Variants in KPNA1 observed in about 807,000 individuals in gnomAD.
The protein encoded by KPNA1 is karyopherin subunit alpha 1.
In KPNA1, 10 loss-of-function variants were observed where a neutral mutation model predicts 70.5. The ratio of observed to expected loss-of-function variants is 0.14; its 90% CI spans 0.09 to 0.24. The LOEUF (loss-of-function observed/expected upper bound fraction) is 0.24. Ranked by LOEUF, KPNA1 falls within the 10% of genes least tolerant of loss-of-function variation. The pLI is 1.00. For synonymous variants in KPNA1, 192 were observed against 221.9 expected, an observed-to-expected ratio of 0.87 and a Z score of 1.20; for missense variants, 397 against 637.9, an observed-to-expected ratio of 0.62 and a Z score of 4.07.
At chr3:122,503,839 G>C (rs1446012782) in intron 1 of KPNA1, among the ~76,000 whole-genome samples, 2 of 151,966 alleles carry the variant, frequency 1.3e-5, no homozygotes, top group Non-Finnish European at 2.9e-5. Flanking sequence ...GTCACACTGA[G>C]AGCTGTTTGA....
chr3:122,428,963 C>CAA (rs2075861056), intron 12 of KPNA1, among the ~76,000 whole-genome samples: 1 of 152,168 alleles, frequency 6.6e-6, no homozygotes, highest in East Asian at 1.9e-4. Context: ...AACATGAATA[C>CAA]AAAAATCCTC....
chr3:122,427,470 T>A, intron 13 of KPNA1, 68 bp downstream of exon 13: 1 of 1,470,104 alleles, frequency 6.8e-7, no homozygotes, highest in Non-Finnish European at 9.2e-7. Context: ...GTAGTATTGT[T>A]TTTACTGAAC....
At chr3:122,427,778 G>T in intron 12 of KPNA1, 62 bp from the exon 13 acceptor site, 1 of 1,143,218 alleles carries the variant, frequency 8.7e-7, no homozygotes, top group Non-Finnish European at 1.2e-6. Flanking sequence ...TATGAAATTA[G>T]TGAGCAAGTC....
At chr3:122,464,301 C>A (rs67279768) in intron 3 of KPNA1, 7,635 of 322,640 alleles carry the variant, frequency 0.024, 209 homozygotes, top group East Asian at 0.1. Flanking sequence ...TTGCTCTTCC[C>A]CTCCTTGCTC....
In KPNA1 at chr3:122,454,934, A is replaced by G. The variant is rs114787573; in HGVS notation, c.433-933T>C. Among the ~76,000 whole-genome samples the G allele has an allele frequency of 2.0e-5, 3 of 152,352 alleles. No homozygotes were observed. In the South Asian group the frequency reaches 6.2e-4, roughly 32 times the overall value. ...TTGACTCTTTAGCTTAATATTGAGA[A>G]ATCCAATAATGAACTCTTTTCTATT... On this transcript the variant is annotated intron_variant, in intron 5 of 13. Coordinates refer to ENST00000344337, the MANE Select transcript of KPNA1 (RefSeq NM_002264.4).
At chr3:122,451,343 T>C (rs2076200643) in intron 8 of KPNA1, among the ~76,000 whole-genome samples, 191 bp downstream of exon 8, 1 of 152,242 alleles carries the variant, frequency 6.6e-6, no homozygotes, top group Non-Finnish European at 1.5e-5. Context: ...CTTCAAGCTA[T>C]GCTCTAAATT....
At chr3:122,451,916 A>G in intron 7 of KPNA1, 60 bp downstream of exon 7, 1 of 1,003,386 alleles carries the variant, frequency 1.0e-6, no homozygotes. Context: ...CTTTCTGAGG[A>G]ATCTCTTACA....
chr3:122,447,305 G>T (rs1289358325), intron 9 of KPNA1, among the ~76,000 whole-genome samples: 1 of 152,158 alleles, frequency 6.6e-6, no homozygotes, highest in African/African-American at 2.4e-5. Context: ...CCAGCAGCAT[G>T]TCAAAAAGCT....
chr3:122,505,407 A>G (rs2076880292), intron 1 of KPNA1, among the ~76,000 whole-genome samples: 1 of 152,168 alleles, frequency 6.6e-6, no homozygotes, highest in Admixed American at 6.5e-5. Context: ...AGTTGGACTG[A>G]AGATAGCTTT....
intron 2 of KPNA1, among the ~76,000 whole-genome samples, chr3:122,494,687 C>T (rs539131476): frequency 6.6e-6 from 1 of 151,966 alleles, no homozygotes; most frequent in African/African-American, 2.4e-5. Context: ...GGTAATTGGA[C>T]AGAAATTGCA....
At chr3:122,454,041 G>T in intron 5 of KPNA1, 40 bp from the exon 6 acceptor site, 1 of 1,417,756 alleles carries the variant, frequency 7.1e-7, no homozygotes, top group Non-Finnish European at 9.6e-7. Flanking sequence ...TTTTTAGAAT[G>T]TAAAAGTTTG....
intron 2 of KPNA1, among the ~76,000 whole-genome samples, chr3:122,484,210 A>AT (rs1446498333): frequency 2.6e-5 from 4 of 152,206 alleles, no homozygotes; most frequent in Non-Finnish European, 5.9e-5. Flanking sequence ...CCTCTTAAAA[A>AT]TTTGCCTCCA....
intron 5 of KPNA1, chr3:122,460,467 T>C (rs1383251486): frequency 1.5e-5 from 4 of 262,356 alleles, no homozygotes; most frequent in African/African-American, 6.9e-5. Context: ...CAAAACCTCA[T>C]CTCTACTAAA....
In KPNA1 at chr3:122,499,743, T is replaced by G. The variant is rs370477086; in HGVS notation, c.-5-3173A>C. Among the ~76,000 whole-genome samples, 5 of 148,752 alleles carry G rather than the reference T, an allele frequency of 3.4e-5. No homozygotes were observed. In the East Asian group the frequency reaches 9.9e-4, roughly 30 times the overall value. ...CACTGTACTCCAGCCTGGGTGACAGTGAAACCCTGTCTCTTCAAGAAAAAA... is the reference window on the plus strand; with the variant it reads ...CACTGTACTCCAGCCTGGGTGACAGGGAAACCCTGTCTCTTCAAGAAAAAA... On this transcript the variant is annotated intron_variant, in intron 1 of 13. Transcript: ENST00000344337.
intron 2 of KPNA1, among the ~76,000 whole-genome samples, chr3:122,473,611 G>A (rs1206484417): frequency 3.3e-5 from 5 of 151,876 alleles, no homozygotes; most frequent in Non-Finnish European, 5.9e-5. Flanking sequence ...ACAGACTAAG[G>A]AAGAAAAATC....
chr3:122,498,018 T>G (rs1194790897), intron 1 of KPNA1, among the ~76,000 whole-genome samples: 1 of 152,204 alleles, frequency 6.6e-6, no homozygotes, highest in Non-Finnish European at 1.5e-5. Context: ...ACTGATACAT[T>G]TAAGTCTGTG....
At chr3:122,472,102 A>G (rs529175157) in intron 2 of KPNA1, among the ~76,000 whole-genome samples, 1 of 152,328 alleles carries the variant, frequency 6.6e-6, no homozygotes, top group South Asian at 2.1e-4. Flanking sequence ...TATAATGAAC[A>G]TTCACAGATT....
intron 4 of KPNA1, among the ~76,000 whole-genome samples, chr3:122,461,911 TA>T (rs1383819058): frequency 6.6e-6 from 1 of 152,204 alleles, no homozygotes; most frequent in Non-Finnish European, 1.5e-5. Context: ...ATCAGATTAA[TA>T]ACTTCAGCCA....
chr3:122,494,881 C>T (rs931491415), intron 2 of KPNA1, among the ~76,000 whole-genome samples: 1 of 152,060 alleles, frequency 6.6e-6, no homozygotes, highest in African/African-American at 2.4e-5. Flanking sequence ...TATATTCAGA[C>T]CTATACCTAC....
Sources: gnomAD v4.1 joint callset for allele counts (sites outside exome capture counted in the v4.1 genomes callset) on GRCh38, gnomAD v4.1.1 for gene constraint, MANE v1.5 for transcripts, NCBI Gene and HGNC (gene_info 2026-07-23, HGNC 2026-07-21) for gene names.